ZFPM2: variants seen among roughly 807,000 people sequenced by gnomAD.
ZFPM2 encodes the protein zinc finger protein ZFPM2.
Under a neutral mutation model 98.6 loss-of-function variants are expected in ZFPM2, and 20 were observed. That is an observed-to-expected ratio of 0.20 (90% CI 0.14 to 0.29). The LOEUF is 0.29. Ranked by LOEUF, ZFPM2 falls within the 10% of genes least tolerant of loss-of-function variation. ZFPM2 has a pLI of 1.00. For synonymous variants in ZFPM2, 518 were observed against 502.7 expected (o/e 1.03, Z -0.41); for missense variants, 1,310 against 1,388.6 (o/e 0.94, Z 0.90).
intron 4 of ZFPM2, among the ~76,000 whole-genome samples, chr8:105,596,003 GA>G (rs34732263): frequency 0.013 from 1,756 of 131,894 alleles, 20 homozygotes; most frequent in African/African-American, 0.032. Flanking sequence ...CCTTTTATCT[GA>G]AAAAAAAAAA....
At chr8:105,764,854 G>A (rs1045418140) in intron 5 of ZFPM2, among the ~76,000 whole-genome samples, 3 of 151,756 alleles carry the variant, frequency 2.0e-5, no homozygotes, top group African/African-American at 7.2e-5. Context: ...ATAAGCATTT[G>A]AAAAGAAGTC....
Position 105,637,210 on chromosome 8 carries a change from C to G in ZFPM2, c.532+2853C>G, listed in dbSNP as rs187701847. Among the ~76,000 whole-genome samples, 21 of 152,288 alleles carry G rather than the reference C, an allele frequency of 1.4e-4. 1 individual carries two copies. The highest frequency in any genetic ancestry group is 5.1e-4 in the African/African-American group (21 of 41,568). ...GAGCTAAATTCAATCTACGTCTTGACAGCTCCAAATTTTGTGCTCCTTGAA... is the reference window on the plus strand; with the variant it reads ...GAGCTAAATTCAATCTACGTCTTGAGAGCTCCAAATTTTGTGCTCCTTGAA... On this transcript the variant is annotated intron_variant, in intron 5 of 7. Coordinates refer to ENST00000407775, the MANE Select transcript of ZFPM2 (RefSeq NM_012082.4).
At chr8:105,441,799 C>T (rs1812256887) in intron 2 of ZFPM2, among the ~76,000 whole-genome samples, 1 of 152,062 alleles carries the variant, frequency 6.6e-6, no homozygotes, top group Admixed American at 6.5e-5. Context: ...TCCTGCTCAC[C>T]AGGCTTTCAT....
chr8:105,529,575 C>A (rs1441727219), intron 3 of ZFPM2, among the ~76,000 whole-genome samples: 10 of 138,512 alleles, frequency 7.2e-5, no homozygotes, highest in African/African-American at 2.9e-4. Flanking sequence ...ACACAACTCT[C>A]AGCATTTTTT....
intron 1 of ZFPM2, among the ~76,000 whole-genome samples, chr8:105,363,362 G>T (rs887197091): frequency 6.6e-6 from 1 of 152,052 alleles, no homozygotes; most frequent in African/African-American, 2.4e-5. Flanking sequence ...TGACTCTAAG[G>T]TGAAAGCATT....
At chr8:105,540,718 T>A (rs1814558347) in intron 3 of ZFPM2, among the ~76,000 whole-genome samples, 1 of 152,098 alleles carries the variant, frequency 6.6e-6, no homozygotes, top group Non-Finnish European at 1.5e-5. Flanking sequence ...CATCAAGGAA[T>A]TATTTTCAGC....
At chr8:105,653,273 CA>C (rs957098432) in intron 5 of ZFPM2, among the ~76,000 whole-genome samples, 8 of 150,500 alleles carry the variant, frequency 5.3e-5, no homozygotes, top group South Asian at 2.1e-4. Context: ...CAAACTGATA[CA>C]AAAAAAAAGA....
intron 1 of ZFPM2, among the ~76,000 whole-genome samples, chr8:105,386,592 TAAAG>T (rs1021667633): frequency 5.3e-5 from 8 of 152,104 alleles, no homozygotes; most frequent in South Asian, 4.1e-4. Context: ...TTACAGCTCA[TAAAG>T]ACAGTGTGGA....
At chr8:105,484,174 A>G (rs1813181020) in intron 3 of ZFPM2, among the ~76,000 whole-genome samples, 1 of 152,100 alleles carries the variant, frequency 6.6e-6, no homozygotes, top group African/African-American at 2.4e-5. Context: ...TCGATTTCAG[A>G]AAGCTTTAGA....
At chr8:105,568,343 C>G (rs754690068) in intron 4 of ZFPM2, among the ~76,000 whole-genome samples, 3 of 152,114 alleles carry the variant, frequency 2.0e-5, no homozygotes, top group Non-Finnish European at 4.4e-5. Context: ...TCCTCTGCCT[C>G]TCCTTTCGTA....
rs1233177000 is a variant in ZFPM2 at position 105,801,273 on chromosome 8, G to A, written c.1191G>A (p.Met397Ile). The A allele has an allele frequency of 6.2e-7, 1 of 1,613,890 alleles. No individual in the cohort carries two copies. Among genetic ancestry groups the A allele is most frequent in the Non-Finnish European group, 8.5e-7 (1 of 1,179,864 alleles). ...GCAAACTTCCCAGAGAAAGTGACAT[G>A]GAACACTCTCCAAGTGCAACTGAAG... ...PSGKLPRESD[M>I]EHSPSATEDS... Residue 397 changes from methionine to isoleucine, a missense_variant, in exon 8 of 8, where the codon ATG (methionine) becomes ATA (isoleucine). Coordinates refer to ENST00000407775, the MANE Select transcript of ZFPM2 (RefSeq NM_012082.4).
chr8:105,733,155 G>A (rs1239598512), intron 5 of ZFPM2, among the ~76,000 whole-genome samples: 1 of 151,876 alleles, frequency 6.6e-6, no homozygotes, highest in East Asian at 2.0e-4. Flanking sequence ...GTGTGCATAA[G>A]CACTCACACT....
chr8:105,748,536 C>G (rs1812402724), intron 5 of ZFPM2, among the ~76,000 whole-genome samples: 1 of 152,000 alleles, frequency 6.6e-6, no homozygotes, highest in Non-Finnish European at 1.5e-5. Context: ...TTTTGTTTTG[C>G]TTTCCCCAGC....
intron 5 of ZFPM2, among the ~76,000 whole-genome samples, chr8:105,731,173 G>T (rs570555292): frequency 4.5e-4 from 68 of 151,766 alleles, no homozygotes; most frequent in South Asian, 1.2e-3. Flanking sequence ...CTGAAAGCAG[G>T]ATAAAAACCA....
intron 5 of ZFPM2, among the ~76,000 whole-genome samples, chr8:105,765,872 T>C (rs1031965190): frequency 3.3e-5 from 5 of 151,912 alleles, no homozygotes. Context: ...TTGGCAAATA[T>C]TTTTGTCCTC....
chr8:105,794,717 G>A (rs1011356084), intron 6 of ZFPM2, among the ~76,000 whole-genome samples: 2 of 152,224 alleles, frequency 1.3e-5, no homozygotes, highest in African/African-American at 4.8e-5. Context: ...ACCTCCTGGA[G>A]CTGTGGTGGG....
At chr8:105,432,889 C>G (rs1448708274) in intron 2 of ZFPM2, among the ~76,000 whole-genome samples, 4 of 152,040 alleles carry the variant, frequency 2.6e-5, no homozygotes, top group African/African-American at 9.7e-5. Context: ...CACTTGAGGC[C>G]AGGAGTTTGA....
intron 5 of ZFPM2, among the ~76,000 whole-genome samples, chr8:105,644,823 T>A (rs1368169185): frequency 1.3e-5 from 2 of 152,122 alleles, no homozygotes; most frequent in Non-Finnish European, 2.9e-5. Context: ...TCTTCTTATG[T>A]GTACACTCAT....
chr8:105,442,874 C>G (rs1369566456), intron 2 of ZFPM2, among the ~76,000 whole-genome samples: 1 of 149,460 alleles, frequency 6.7e-6, no homozygotes, highest in Non-Finnish European at 1.5e-5. Context: ...TTCTAAGTAA[C>G]TTTGGAAGTT....
Sources: gnomAD v4.1 joint callset for allele counts (sites outside exome capture counted in the v4.1 genomes callset) on GRCh38, gnomAD v4.1.1 for gene constraint, MANE v1.5 for transcripts, NCBI Gene and HGNC (gene_info 2026-07-23, HGNC 2026-07-21) for gene names.